Variants in SERPINA10 observed in about 807,000 individuals in gnomAD.
SERPINA10 encodes serpin family A member 10, also known as protein Z-dependent protease inhibitor.
SERPINA10 carries 24 observed loss-of-function variants against 28.0 expected under a neutral mutation model. The observed-to-expected ratio is 0.86, with a 90% CI of 0.62 to 1.20. The LOEUF is 1.20. SERPINA10 is among the 50% of genes most tolerant of loss of function. The probability of loss-of-function intolerance (pLI) is 0.00; values close to 1 mark genes in which losing one functional copy is unlikely to be tolerated. For synonymous variants in SERPINA10, 207 were observed against 203.9 expected (o/e 1.02, Z -0.13); for missense variants, 521 against 537.7 (o/e 0.97, Z 0.31).
At position 94,281,086 on chromosome 14, in the gene SERPINA10, C is replaced by A. The variant is rs1317219633; in HGVS notation, c.*2879G>T. On this transcript the variant is annotated 3_prime_UTR_variant, in exon 5 of 5. Coordinates refer to ENST00000261994, the MANE Select transcript of SERPINA10 (RefSeq NM_001100607.3). ...GTCAGTAACCTGTTCTCAGTTGTTA[C>A]AGCATATATATGTGAGAACGTGTGG... is the stretch of plus-strand genomic sequence containing the variant. The A allele has an allele frequency of 6.6e-6, 1 of 152,136 alleles. No homozygotes were observed. The highest frequency in any genetic ancestry group is 2.4e-5 in the African/African-American group (1 of 41,438). The allele number at this position is 152,136 out of a possible 1,614,324, so 9.4% of individuals were successfully genotyped here. A position where few individuals can be genotyped will look rare whatever the true frequency, so the allele number is the denominator to read the frequency against.
intron 3 of SERPINA10, 77 bp from the exon 4 acceptor site, chr14:94,286,335 G>C (rs1895024572): frequency 6.5e-7 from 1 of 1,530,960 alleles, no homozygotes; most frequent in Non-Finnish European, 9.0e-7. Flanking sequence ...CACAATTTTT[G>C]TTCTTTAAGA....
At position 94,286,222 on chromosome 14, in the gene SERPINA10, A is replaced by T. The variant is rs147506307; in HGVS notation, c.1029T>A (p.Asp343Glu). ...GCAGCTCATGCATCTCATACTTCTG[A>T]TCTAGCTTGAACTTCGGAAAGAAAA... ...MEVFFPKFKL[D>E]QKYEMHELLR... The change falls in exon 4 of 5, where the codon GAT (aspartate) becomes GAA (glutamate). Residue 343 changes from aspartate (D) to glutamate (E), a missense_variant. Asp to Glu is a conservative substitution (Grantham distance 45). Coordinates refer to ENST00000261994, the MANE Select transcript of SERPINA10 (RefSeq NM_001100607.3). 1 of 1,613,996 alleles carries T rather than the reference A, an allele frequency of 6.2e-7. No individual in the cohort carries two copies. The highest frequency in any genetic ancestry group is 1.3e-5 in the African/African-American group (1 of 74,914).
rs1355029602 is a variant in SERPINA10, at chr14:94,283,528, A to G, written c.*437T>C. On this transcript the variant is annotated 3_prime_UTR_variant, in exon 5 of 5. Transcript: ENST00000261994. ...CTGCTCTGTCCCACCCAGGATGTGA[A>G]TTCTCCCCTTGCCCAATGTCTCCAC... 4.6e-6 allele frequency: 1 copy of G among 216,426 alleles called. No individual in the cohort carries two copies. Among genetic ancestry groups the G allele is most frequent in the East Asian group, 1.2e-4 (1 of 8,554 alleles). The allele number at this position is 216,426 out of a possible 1,614,324, so 13.4% of individuals were successfully genotyped here.
In SERPINA10 at chr14:94,290,333, C is replaced by A. The variant is rs765155223; in HGVS notation, c.261G>T (p.Leu87=). Residue 87 remains leucine, a synonymous_variant, in exon 2 of 5, where the codon CTG becomes CTT. Coordinates refer to ENST00000261994, the MANE Select transcript of SERPINA10 (RefSeq NM_001100607.3). ...CATCGTGCCTCATGGAGATCTTTCG[C>A]AGCAGGCTGAATCCGAAGTTTGAAG... The part of the protein sequence containing the change: ...KETSNFGFSL[L]RKISMRHDGN... 2 of 1,614,234 alleles carry A rather than the reference C, an allele frequency of 1.2e-6. No individual in the cohort carries two copies. Among genetic ancestry groups the A allele is most frequent in the Non-Finnish European group, 8.5e-7 (1 of 1,180,050 alleles).
chr14:94,289,252 G>A (rs1373346648), intron 2 of SERPINA10, among the ~76,000 whole-genome samples: 1 of 152,206 alleles, frequency 6.6e-6, no homozygotes, highest in Non-Finnish European at 1.5e-5. Context: ...CCTAGGATCA[G>A]GGGGTCAGGA....
chr14:94,292,495 A>C (rs935008964), intron 1 of SERPINA10: 21 of 672,170 alleles, frequency 3.1e-5, no homozygotes, highest in Non-Finnish European at 5.5e-5. Flanking sequence ...TACTTTCTAC[A>C]TTAAGACCAC....
rs2139699070 is a variant in SERPINA10 at position 94,289,866 on chromosome 14, A to G, written c.718+10T>C. The G allele has an allele frequency of 6.2e-7, 1 of 1,613,912 alleles. No individual in the cohort carries two copies. Among genetic ancestry groups the G allele is most frequent in the Non-Finnish European group, 8.5e-7 (1 of 1,179,772 alleles). On this transcript the variant is annotated intron_variant, in intron 2 of 4. Transcript: ENST00000261994. ...TGTGGCCTTGGGAGAGCAGAACATT[A>G]TCAAAGTACCTTTGAACAAGATGTA...
chr14:94,290,521 TG>T lies in SERPINA10; in HGVS notation c.72del (p.Ser25ValfsTer17), dbSNP rs1566720407. ...GCTGGGGTCTCTGGCGACTGAGGAC[TG>T]GGGGCCAAGCCGGGTACCAGCCACA... ...AQVWLVPGLAPSPQSPETPAP... is the reference protein window; with the variant it reads ...AQVWLVPGLAXSPQSPETPAP... On this transcript the variant is annotated frameshift_variant, in exon 2 of 5. Transcript: ENST00000261994. LOFTEE classifies it high-confidence loss of function. 1.2e-6 allele frequency: 2 copies of T among 1,612,508 alleles called. No individual in the cohort carries two copies. Among genetic ancestry groups the T allele is most frequent in the African/African-American group, 2.7e-5 (2 of 74,878 alleles).
In SERPINA10 at chr14:94,283,177, T is replaced by G. The variant is rs1042563927; in HGVS notation, c.*788A>C. 3 of 152,250 alleles carry G rather than the reference T, an allele frequency of 2.0e-5. No homozygotes were observed. Among genetic ancestry groups the G allele is most frequent in the Admixed American group, 6.5e-5 (1 of 15,286 alleles). The allele number at this position is 152,250 out of a possible 1,614,324, so 9.4% of individuals were successfully genotyped here. On this transcript the variant is annotated 3_prime_UTR_variant, in exon 5 of 5. Transcript: ENST00000261994. ...TCCCAAAGGCTTTATCTTGACATAG[T>G]GTTCTCATCTGCAACTTTTTAAAAA...
At chr14:94,287,483 G>GT (rs1412390280) in intron 3 of SERPINA10, among the ~76,000 whole-genome samples, 1 of 152,112 alleles carries the variant, frequency 6.6e-6, no homozygotes, top group Non-Finnish European at 1.5e-5. Context: ...CGCAGTCCAG[G>GT]TAGCAGCATC....
intron 3 of SERPINA10, among the ~76,000 whole-genome samples, chr14:94,286,739 G>T (rs947362635): frequency 8.5e-5 from 13 of 152,128 alleles, no homozygotes; most frequent in Non-Finnish European, 1.9e-4. Context: ...TTGAAAATAT[G>T]TTGCTTGAAA....
rs1028230811 is a variant in SERPINA10 at position 94,282,194 on chromosome 14, T to G, written c.*1771A>C. 1 of 152,038 alleles carries G rather than the reference T, an allele frequency of 6.6e-6. No individual in the cohort carries two copies. 9.4% of individuals were successfully genotyped at this position (152,038 alleles called of 1,614,324 possible). A position where few individuals can be genotyped will look rare whatever the true frequency, so the allele number is the denominator to read the frequency against. ...AAAAGTCAGTATTTAGACTGCATATTAATATTATTACCTATTCACATTACT... is the reference window on the plus strand; with the variant it reads ...AAAAGTCAGTATTTAGACTGCATATGAATATTATTACCTATTCACATTACT... On this transcript the variant is annotated 3_prime_UTR_variant, in exon 5 of 5. Coordinates refer to ENST00000261994, the MANE Select transcript of SERPINA10 (RefSeq NM_001100607.3).
At chr14:94,290,724 T>C (rs1406436995) in intron 1 of SERPINA10, 81 bp from the exon 2 acceptor site, 26 of 1,455,444 alleles carry the variant, frequency 1.8e-5, no homozygotes, top group Non-Finnish European at 2.3e-5. Flanking sequence ...TCAGGGACCC[T>C]GCCTCCTTCC....
At chr14:94,289,730 A>G (rs1231417502) in intron 2 of SERPINA10, 146 bp downstream of exon 2, 3 of 893,272 alleles carry the variant, frequency 3.4e-6, no homozygotes, top group Non-Finnish European at 5.4e-6. Flanking sequence ...GCACTGTTCA[A>G]TATGTGTATC....
intron 1 of SERPINA10, 136 bp downstream of exon 1, chr14:94,293,053 G>A (rs962142106): frequency 4.2e-6 from 1 of 237,276 alleles, no homozygotes; most frequent in Admixed American, 4.4e-5. Flanking sequence ...AGTCCCTGTG[G>A]AGTGTAGGAT....
Position 94,290,410 on chromosome 14 carries a change from C to G in SERPINA10, c.184G>C (p.Glu62Gln), listed in dbSNP as rs770938821. ...EQEASEEKASEEEKAWLMASR... is the reference protein window; with the variant it reads ...EQEASEEKASQEEKAWLMASR... ...GCCATCAGCCAGGCTTTCTCTTCCT[C>G]ACTGGCCTTCTCCTCGCTGGCCTCC... The change falls in exon 2 of 5, where the codon GAG (glutamate) becomes CAG (glutamine). Residue 62 changes from glutamate to glutamine, a missense_variant. Coordinates refer to ENST00000261994, the MANE Select transcript of SERPINA10 (RefSeq NM_001100607.3). 127 of 1,614,002 alleles carry G rather than the reference C, an allele frequency of 7.9e-5. No homozygotes were observed. The highest frequency in any genetic ancestry group is 1.1e-4 in the Non-Finnish European group (125 of 1,180,000).
At chr14:94,287,528 TC>T (rs1321679225) in intron 3 of SERPINA10, among the ~76,000 whole-genome samples, 2 of 152,132 alleles carry the variant, frequency 1.3e-5, no homozygotes, top group Admixed American at 6.5e-5. Flanking sequence ...CTAACCACTC[TC>T]CCTTGCTTCC....
In SERPINA10 at chr14:94,291,192, C is replaced by A. The variant is rs76569985; in HGVS notation, c.-50-549G>T. Among the ~76,000 whole-genome samples, 1,006 of 152,322 alleles carry A rather than the reference C, an allele frequency of 6.6e-3. 12 individuals are homozygous for A. Among genetic ancestry groups the A allele is most frequent in the African/African-American group, 0.022 (900 of 41,562 alleles). On this transcript the variant is annotated intron_variant, in intron 1 of 4. Coordinates refer to ENST00000261994, the MANE Select transcript of SERPINA10 (RefSeq NM_001100607.3). ...TTTTATCAAAATTCTCTTTGCACTG[C>A]ACCTCTGCTACACAGTTCCTTGGAG... is the stretch of plus-strand genomic sequence containing the variant.
rs1894911675 is a variant in SERPINA10 at position 94,281,990 on chromosome 14, G to A, written c.*1975C>T. The stretch of plus-strand genomic sequence containing the variant: ...AATCTGACTAATTGAACACAAACAA[G>A]GTGACTTAAGAATGTCAGATAGAGT... On this transcript the variant is annotated 3_prime_UTR_variant, in exon 5 of 5. Transcript: ENST00000261994. The A allele has an allele frequency of 6.6e-6, 1 of 152,500 alleles. No individual in the cohort carries two copies. Among genetic ancestry groups the A allele is most frequent in the African/African-American group, 2.4e-5 (1 of 41,406 alleles). The allele number at this position is 152,500 out of a possible 1,614,324, so 9.4% of individuals were successfully genotyped here. A position where few individuals can be genotyped will look rare whatever the true frequency, so the allele number is the denominator to read the frequency against.
Sources: allele counts gnomAD v4.1 joint callset (sites outside exome capture counted in the v4.1 genomes callset), GRCh38; gene constraint gnomAD v4.1.1; transcripts MANE v1.5; gene names NCBI Gene and HGNC (gene_info 2026-07-23, HGNC 2026-07-21).